Variants in PRKCH observed in about 807,000 individuals in gnomAD.
PRKCH encodes the protein protein kinase C eta.
Under a neutral mutation model 82.5 loss-of-function variants are expected in PRKCH, and 28 were observed. The ratio of observed to expected loss-of-function variants is 0.34; its 90% CI spans 0.25 to 0.47. PRKCH has a LOEUF of 0.47. PRKCH is among the 20% of genes least tolerant of loss of function. The probability of loss-of-function intolerance (pLI) is 1.00; values close to 1 mark genes in which losing one functional copy is unlikely to be tolerated. For synonymous variants in PRKCH, 322 were observed against 327.4 expected (o/e 0.98, Z 0.18); for missense variants, 705 against 881.8 (o/e 0.80, Z 2.54).
intron 1 of PRKCH, among the ~76,000 whole-genome samples, chr14:61,267,086 T>C (rs76691948): frequency 0.094 from 14,338 of 152,214 alleles, 692 homozygotes; most frequent in African/African-American, 0.12. Flanking sequence ...CTGGAGGCTA[T>C]AGAACTGGCT....
At chr14:61,485,469 C>A in intron 9 of PRKCH, 33 bp from the exon 10 acceptor site, 2 of 1,607,014 alleles carry the variant, frequency 1.2e-6, no homozygotes, top group Non-Finnish European at 1.7e-6. Flanking sequence ...AATTGCTACA[C>A]CACATTGGGC....
intron 1 of PRKCH, among the ~76,000 whole-genome samples, chr14:61,188,431 G>A (rs2044380468): frequency 6.6e-6 from 1 of 152,074 alleles, no homozygotes; most frequent in Non-Finnish European, 1.5e-5. Context: ...TCTGGCTCCG[G>A]CTCCGGCTCC....
rs559514137 is a variant in PRKCH, at chr14:61,280,655, T to C, written c.-19+92987T>C. 2.5e-6 allele frequency: 4 copies of C among 1,571,646 alleles called. No individual in the cohort carries two copies. In the African/African-American group the frequency reaches 5.4e-5, roughly 21 times the overall value. On this transcript the variant is annotated intron_variant, in intron 1 of 3. Coordinates refer to the PRKCH transcript ENST00000555185. This position sits in a 1 kb window ranked among gnomAD's most constrained non-coding sequence, Gnocchi z 5.0. ...GAGTCGTTGAAGAGGCTGTTGGCGA[T>C]GGCGCCGCAGGGCGCGATGGGCAGG...
chr14:61,548,468 G>A (rs936890616), intron 13 of PRKCH, among the ~76,000 whole-genome samples: 6 of 152,328 alleles, frequency 3.9e-5, no homozygotes, highest in Admixed American at 6.5e-5. Context: ...CTTCCTGAGC[G>A]TGGTCCCGCT....
intron 10 of PRKCH, among the ~76,000 whole-genome samples, chr14:61,515,268 A>G (rs1212281597): frequency 1.3e-5 from 2 of 152,162 alleles, no homozygotes; most frequent in African/African-American, 4.8e-5. Flanking sequence ...TTTGTGTTTT[A>G]TTTCTGGAGA....
At chr14:61,259,315 T>C (rs2045025678) in intron 1 of PRKCH, among the ~76,000 whole-genome samples, 1 of 152,212 alleles carries the variant, frequency 6.6e-6, no homozygotes, top group African/African-American at 2.4e-5. Context: ...GGCTCTCTGA[T>C]GACATTCACT....
chr14:61,373,436 C>T (rs1163549177), intron 1 of PRKCH, among the ~76,000 whole-genome samples: 1 of 151,882 alleles, frequency 6.6e-6, no homozygotes, highest in Non-Finnish European at 1.5e-5. Flanking sequence ...AGTCTGCTTC[C>T]ATGATTCAAT....
chr14:61,422,272 A>T (rs1882876733), intron 2 of PRKCH, among the ~76,000 whole-genome samples: 1 of 152,012 alleles, frequency 6.6e-6, no homozygotes, highest in African/African-American at 2.4e-5. Context: ...TTCTGTAGAG[A>T]CAGGGTCTCT....
chr14:61,220,377 T>A lies in PRKCH; in HGVS notation c.-19+32709T>A, dbSNP rs546642533. 3.9e-5 allele frequency among the ~76,000 whole-genome samples: 6 copies of A among 152,026 alleles called. No individual in the cohort carries two copies. The South Asian group carries it at 1.2e-3, about 32-fold the overall frequency. The stretch of plus-strand genomic sequence containing the variant: ...AACAGTAGAAGCCTATTAGATTGGA[T>A]GAAGGAAAGGAAGCCCCAAATCATC... On this transcript the variant is annotated intron_variant, in intron 1 of 3. Transcript: ENST00000555185.
chr14:61,534,818 T>C (rs2043086628), intron 12 of PRKCH, among the ~76,000 whole-genome samples: 1 of 152,194 alleles, frequency 6.6e-6, no homozygotes, highest in Non-Finnish European at 1.5e-5. Flanking sequence ...AAAGGTGTGA[T>C]AATAACACCT....
chr14:61,386,297 A>G (rs539683952), intron 1 of PRKCH, among the ~76,000 whole-genome samples: 1 of 152,324 alleles, frequency 6.6e-6, no homozygotes, highest in Non-Finnish European at 1.5e-5. Flanking sequence ...TGGACAGGAG[A>G]GGAAACACTG....
intron 6 of PRKCH, chr14:61,452,858 T>G: frequency 4.2e-6 from 1 of 238,486 alleles, no homozygotes; most frequent in East Asian, 1.3e-4. Flanking sequence ...ACAGTTGACA[T>G]GATTCTTTGT....
chr14:61,257,610 C>CAG (rs1245813167), intron 1 of PRKCH, among the ~76,000 whole-genome samples: 1 of 50,202 alleles, frequency 2.0e-5, no homozygotes, highest in Non-Finnish European at 4.7e-5. Context: ...CACAGACACA[C>CAG]ACACACACAC....
intron 1 of PRKCH, among the ~76,000 whole-genome samples, chr14:61,292,319 A>G (rs2045370475): frequency 6.6e-6 from 1 of 151,614 alleles, no homozygotes; most frequent in Non-Finnish European, 1.5e-5. Context: ...TACAAAAAAA[A>G]AAAAAAAATT....
At chr14:61,343,353 A>G (rs1416218348) in intron 1 of PRKCH, among the ~76,000 whole-genome samples, 6 of 19,642 alleles carry the variant, frequency 3.1e-4, no homozygotes, top group Non-Finnish European at 1.7e-3. Flanking sequence ...AGTTCCCTCA[A>G]AAAAAAAAAA....
chr14:61,453,307 C>T lies in PRKCH; in HGVS notation c.914C>T (p.Thr305Ile), dbSNP rs1884598258. The T allele has an allele frequency of 2.5e-6, 4 of 1,614,120 alleles. No homozygotes were observed. The highest frequency in any genetic ancestry group is 3.4e-6 in the Non-Finnish European group (4 of 1,179,988). ...GTAAATGCGGTGGAACTTGCCAAGA[C>T]CCTGGCAGGGATGGGTCTCCAACCC... is the stretch of plus-strand genomic sequence containing the variant. Reference protein sequence around the residue: ...CGVNAVELAKTLAGMGLQPGN... With the variant: ...CGVNAVELAKILAGMGLQPGN... The change falls in exon 7 of 14, where the codon ACC (threonine) becomes ATC (isoleucine). Residue 305 changes from threonine (T) to isoleucine (I), a missense_variant. Around this residue, in one of 5 missense-constraint regions of PRKCH, gnomAD observed 238 missense variants for 258.1 expected, o/e 0.92. Coordinates refer to ENST00000332981, the MANE Select transcript of PRKCH (RefSeq NM_006255.5).
chr14:61,378,224 C>CTTTTTCTTT (rs1555380855), intron 1 of PRKCH, among the ~76,000 whole-genome samples: 22 of 139,476 alleles, frequency 1.6e-4, no homozygotes, highest in Non-Finnish European at 2.9e-4. Context: ...TTTTCTTTTT[C>CTTTTTCTTT]TTTTTTTTTT....
rs1344100365 is a variant in PRKCH, at chr14:61,280,076, C to T, written c.-19+92408C>T. ...AGTTTTGGCAAGAAGCAGGAGGGAT[C>T]CCTGGAAAGCCGGAATCACTCCTCG... On this transcript the variant is annotated intron_variant, in intron 1 of 3. Coordinates refer to the PRKCH transcript ENST00000555185. The surrounding 1 kb of genome is among the most constrained non-coding windows in gnomAD (Gnocchi z 5.0). 6.3e-7 allele frequency: 1 copy of T among 1,590,446 alleles called. No homozygotes were observed. Among genetic ancestry groups the T allele is most frequent in the South Asian group, 1.2e-5 (1 of 86,754 alleles).
intron 2 of PRKCH, among the ~76,000 whole-genome samples, chr14:61,411,057 G>T (rs1370615985): frequency 6.6e-6 from 1 of 152,200 alleles, no homozygotes; most frequent in Non-Finnish European, 1.5e-5. Context: ...TATCCAGTGG[G>T]CTTCTGGGGA....
Sources: allele counts gnomAD v4.1 joint callset (sites outside exome capture counted in the v4.1 genomes callset), GRCh38; gene constraint gnomAD v4.1.1; regional missense constraint gnomAD v4.1.1; non-coding constraint Gnocchi (gnomAD v3.1); transcripts MANE v1.5; gene names NCBI Gene and HGNC (gene_info 2026-07-23, HGNC 2026-07-21).